CYP2C19: variants seen among roughly 807,000 people sequenced by gnomAD.
CYP2C19 encodes cytochrome P450 family 2 subfamily C member 19.
Under a neutral mutation model 40.9 loss-of-function variants are expected in CYP2C19, and 59 were observed. The observed-to-expected ratio is 1.44, with a 90% CI of 1.17 to 1.79. The LOEUF is 1.79. Among genes scored for constraint, CYP2C19 ranks in the 40% most tolerant of loss-of-function variants. CYP2C19 has a pLI of 0.00. For missense variants in CYP2C19, 754 were observed against 596.9 expected, an observed-to-expected ratio of 1.26 and a Z score of -2.74; for synonymous variants, 253 against 208.7, an observed-to-expected ratio of 1.21 and a Z score of -1.83.
intron 7 of CYP2C19, among the ~76,000 whole-genome samples, chr10:94,844,381 T>C (rs1391645238): frequency 6.6e-6 from 1 of 152,132 alleles, no homozygotes; most frequent in Non-Finnish European, 1.5e-5. Flanking sequence ...CAGTCGAAAA[T>C]TGACTGTCAG....
At chr10:94,792,968 CT>C (rs1848624073) in intron 5 of CYP2C19, among the ~76,000 whole-genome samples, 1 of 152,140 alleles carries the variant, frequency 6.6e-6, no homozygotes, top group Admixed American at 6.5e-5. Context: ...TGGTTCCATT[CT>C]CCCCATCACT....
At chr10:94,809,152 T>G (rs1163492129) in intron 5 of CYP2C19, among the ~76,000 whole-genome samples, 1 of 152,222 alleles carries the variant, frequency 6.6e-6, no homozygotes, top group Non-Finnish European at 1.5e-5. Context: ...TGATATCTTA[T>G]TACAGTTTTT....
At chr10:94,816,459 C>T (rs936408858) in intron 5 of CYP2C19, among the ~76,000 whole-genome samples, 1 of 151,964 alleles carries the variant, frequency 6.6e-6, no homozygotes, top group African/African-American at 2.4e-5. Context: ...ACAAACTATA[C>T]CAAACAGCAG....
intron 7 of CYP2C19, among the ~76,000 whole-genome samples, chr10:94,845,455 G>T (rs1326047470): frequency 1.3e-5 from 2 of 152,106 alleles, no homozygotes; most frequent in African/African-American, 4.8e-5. Flanking sequence ...AGAGAGTATT[G>T]TTTATTGATG....
At position 94,852,777 on chromosome 10, in the gene CYP2C19, T is replaced by C. The variant is rs1849674291; in HGVS notation, c.1336T>C (p.Phe446Leu). ...VGEGLARMELFLFLTFILQNF... is the reference protein window; with the variant it reads ...VGEGLARMELLLFLTFILQNF... ...AGAGGGCCTGGCCCGCATGGAGCTGTTTTTATTCCTGACCTTCATTTTACA... is the reference window on the plus strand; with the variant it reads ...AGAGGGCCTGGCCCGCATGGAGCTGCTTTTATTCCTGACCTTCATTTTACA... The change falls in exon 9 of 9, where the codon TTT becomes CTT. Residue 446 changes from phenylalanine (F) to leucine (L), a missense_variant. By Grantham distance (22) the Phe-to-Leu change is conservative. Coordinates refer to ENST00000371321, the MANE Select transcript of CYP2C19 (RefSeq NM_000769.4). The C allele has an allele frequency of 6.2e-7, 1 of 1,614,110 alleles. No homozygotes were observed. The highest frequency in any genetic ancestry group is 8.5e-7 in the Non-Finnish European group (1 of 1,179,986).
Position 94,853,951 on chromosome 10 carries a change from T to C in CYP2C19, c.*1037T>C, listed in dbSNP as rs953350727. 3.3e-5 allele frequency among the ~76,000 whole-genome samples: 5 copies of C among 152,166 alleles called. No individual in the cohort carries two copies. The highest frequency in any genetic ancestry group is 1.2e-4 in the African/African-American group (5 of 41,438). On this transcript the variant is annotated 3_prime_UTR_variant, in exon 9 of 9. Coordinates refer to ENST00000371321, the MANE Select transcript of CYP2C19 (RefSeq NM_000769.4). ...AATGAAGTAATGAAGTATAAATATA[T>C]GCTTTCATATTGCTGCTCATGTGTT...
intron 3 of CYP2C19, among the ~76,000 whole-genome samples, chr10:94,777,334 G>A (rs150629292): frequency 0.014 from 2,150 of 152,230 alleles, 43 homozygotes; most frequent in African/African-American, 0.05. Context: ...AAAAGAGCTT[G>A]TAAAGCCAAG....
At chr10:94,801,797 G>A (rs1053681390) in intron 5 of CYP2C19, among the ~76,000 whole-genome samples, 15 of 152,294 alleles carry the variant, frequency 9.8e-5, no homozygotes, top group Middle Eastern at 3.4e-3. Flanking sequence ...ATATAATTTA[G>A]GATAGTTAGC....
chr10:94,842,843 T>C lies in CYP2C19; in HGVS notation c.968T>C (p.Val323Ala). 1 of 1,614,118 alleles carries C rather than the reference T, an allele frequency of 6.2e-7. No individual in the cohort carries two copies. The highest frequency in any genetic ancestry group is 8.5e-7 in the Non-Finnish European group (1 of 1,179,986). The change falls in exon 7 of 9, where the codon GTC becomes GCC. Residue 323 changes from valine (V) to alanine (A), a missense_variant. By Grantham distance (64) the Val-to-Ala change is moderately conservative. Transcript: ENST00000371321. Reference sequence around the variant, plus strand: ...CTTACTTGTGTCTTGTCAGCTAAAGTCCAGGAAGAGATTGAACGTGTCATT... The same window carrying C: ...CTTACTTGTGTCTTGTCAGCTAAAGCCCAGGAAGAGATTGAACGTGTCATT... ...LLKHPEVTAK[V>A]QEEIERVIGR...
At chr10:94,841,021 C>A (rs547958268) in intron 6 of CYP2C19, among the ~76,000 whole-genome samples, 15 of 152,296 alleles carry the variant, frequency 9.8e-5, no homozygotes, top group African/African-American at 3.6e-4. Flanking sequence ...CCAAGGGGGT[C>A]CTTGCTCACA....
intron 1 of CYP2C19, among the ~76,000 whole-genome samples, chr10:94,771,612 T>G (rs150991980): frequency 0.073 from 11,075 of 152,072 alleles, 468 homozygotes; most frequent in South Asian, 0.12. Flanking sequence ...CCCAATGGCT[T>G]AGGATGCATT....
intron 6 of CYP2C19, among the ~76,000 whole-genome samples, chr10:94,839,405 C>A (rs1388846798): frequency 6.6e-6 from 1 of 152,174 alleles, no homozygotes; most frequent in East Asian, 1.9e-4. Context: ...CCTTTCTTGA[C>A]CACAAAGAAA....
intron 6 of CYP2C19, among the ~76,000 whole-genome samples, chr10:94,837,025 G>T (rs565448640): frequency 6.6e-6 from 1 of 150,942 alleles, no homozygotes; most frequent in East Asian, 2.0e-4. Flanking sequence ...AGAATTGAGA[G>T]TCAGGATGTA....
At chr10:94,827,199 C>T (rs1211555201) in intron 6 of CYP2C19, among the ~76,000 whole-genome samples, 1 of 151,782 alleles carries the variant, frequency 6.6e-6, no homozygotes, top group Non-Finnish European at 1.5e-5. Flanking sequence ...GGAGGATTCC[C>T]TCTTTTTCTA....
chr10:94,817,128 A>G (rs1348692666), intron 5 of CYP2C19, among the ~76,000 whole-genome samples: 5 of 146,512 alleles, frequency 3.4e-5, no homozygotes, highest in African/African-American at 5.1e-5. Flanking sequence ...GGTATTTCTA[A>G]TTCTAGATCC....
intron 1 of CYP2C19, among the ~76,000 whole-genome samples, chr10:94,767,676 A>G (rs1848266258): frequency 6.6e-6 from 1 of 152,140 alleles, no homozygotes; most frequent in South Asian, 2.1e-4. Flanking sequence ...GGCCCTGTAA[A>G]TAGGGATTTG....
At chr10:94,793,742 G>C (rs58349349) in intron 5 of CYP2C19, among the ~76,000 whole-genome samples, 11,567 of 152,108 alleles carry the variant, frequency 0.076, 510 homozygotes, top group South Asian at 0.12. Context: ...AAGGAGCACC[G>C]GGCTGTATGG....
At chr10:94,783,297 C>A (rs372034589) in intron 5 of CYP2C19, among the ~76,000 whole-genome samples, 109 of 152,028 alleles carry the variant, frequency 7.2e-4, no homozygotes, top group African/African-American at 2.6e-3. Flanking sequence ...TTCCTGCATT[C>A]CTGCAGATTG....
intron 5 of CYP2C19, among the ~76,000 whole-genome samples, chr10:94,802,079 T>C (rs1437327455): frequency 6.6e-6 from 1 of 152,042 alleles, no homozygotes; most frequent in African/African-American, 2.4e-5. Flanking sequence ...TGCTGATTGG[T>C]CCATTTTACC....
Sources: gnomAD v4.1 joint callset for allele counts (sites outside exome capture counted in the v4.1 genomes callset) on GRCh38, gnomAD v4.1.1 for gene constraint, MANE v1.5 for transcripts, NCBI Gene and HGNC (gene_info 2026-07-23, HGNC 2026-07-21) for gene names.